The following HDAC9 variants were observed in gnomAD, a reference collection of about 807,000 sequenced individuals.
HDAC9 encodes MEF-2 interacting transcription repressor (MITR) protein.
Under a neutral mutation model 139.4 loss-of-function variants are expected in HDAC9, and 41 were observed. The ratio of observed to expected loss-of-function variants is 0.29; its 90% confidence interval spans 0.23 to 0.38. The LOEUF (loss-of-function observed/expected upper bound fraction) is 0.38, where lower values mean the gene tolerates loss of function less well. HDAC9 is among the 10% of genes least tolerant of loss of function. HDAC9 has a pLI of 1.00. For synonymous variants in HDAC9, 517 were observed against 476.2 expected (o/e 1.09, Z -1.12); for missense variants, 1,147 against 1,297.0 (o/e 0.88, Z 1.78).
At chr7:18,554,230 G>A (rs980742985) in intron 2 of HDAC9, among the ~76,000 whole-genome samples, 4 of 149,044 alleles carry the variant, frequency 2.7e-5, no homozygotes, top group Non-Finnish European at 5.9e-5. Flanking sequence ...TCGAAACTAT[G>A]TTAAAGGAAT....
At chr7:18,929,837 G>A (rs1348847305) in intron 22 of HDAC9, among the ~76,000 whole-genome samples, 1 of 152,006 alleles carries the variant, frequency 6.6e-6, no homozygotes, top group Non-Finnish European at 1.5e-5. Context: ...TACTCGGGAG[G>A]CTGAGGCAGG....
At chr7:18,962,247 G>A (rs1325482008) in intron 24 of HDAC9, among the ~76,000 whole-genome samples, 1 of 152,164 alleles carries the variant, frequency 6.6e-6, no homozygotes, top group Admixed American at 6.6e-5. Context: ...AGGCCTTGAC[G>A]TTAGAGTCCT....
chr7:18,535,450 C>T (rs556445759), intron 2 of HDAC9, among the ~76,000 whole-genome samples: 37 of 151,760 alleles, frequency 2.4e-4, no homozygotes, highest in African/African-American at 8.4e-4. Context: ...TTGCCATGGA[C>T]CTGATATATT....
At chr7:18,096,500 AT>A (rs1240366814) in intron 1 of HDAC9, among the ~76,000 whole-genome samples, 2 of 152,212 alleles carry the variant, frequency 1.3e-5, no homozygotes, top group Admixed American at 6.5e-5. Context: ...AAATCCCAAA[AT>A]GGAAAAAAAA....
chr7:18,735,081 GTTGT>G (rs1310024037), intron 13 of HDAC9, among the ~76,000 whole-genome samples: 1 of 152,142 alleles, frequency 6.6e-6, no homozygotes, highest in Non-Finnish European at 1.5e-5. Flanking sequence ...TTTTGATGTG[GTTGT>G]TTGATTTTTT....
At chr7:18,176,842 T>C (rs1044299798) in intron 2 of HDAC9, among the ~76,000 whole-genome samples, 2 of 152,198 alleles carry the variant, frequency 1.3e-5, no homozygotes, top group African/African-American at 4.8e-5. Flanking sequence ...TGGATGTATC[T>C]TACTTTGGCT....
chr7:18,274,614 A>G (rs1796598069), intron 2 of HDAC9, among the ~76,000 whole-genome samples: 2 of 152,214 alleles, frequency 1.3e-5, no homozygotes, highest in Non-Finnish European at 2.9e-5. Flanking sequence ...CATCCCAACT[A>G]TAGCAGCCAT....
chr7:18,732,687 ACACACACACACG>A lies in HDAC9; in HGVS notation c.1909+4931_1909+4942del, dbSNP rs1437208145. Among the ~76,000 whole-genome samples, 568 of 112,958 alleles carry A rather than the reference ACACACACACACG, an allele frequency of 5.0e-3. 88 individuals carry two copies. Among genetic ancestry groups the A allele is most frequent in the South Asian group, 1.0e-2 (34 of 3,416 alleles). The allele number at this position is 112,958 out of a possible 152,430, so 74.1% of individuals were successfully genotyped here. A position where few individuals can be genotyped will look rare whatever the true frequency, so the allele number is the denominator to read the frequency against. On this transcript the variant is annotated intron_variant, in intron 13 of 25. Transcript: ENST00000686413. ...CACGTGTATATGTGTGCGTATGTGT[ACACACACACACG>A]TGTATGTGTGCGTATGTGTACACAC...
At chr7:18,769,869 T>C (rs1395611172) in intron 16 of HDAC9, among the ~76,000 whole-genome samples, 1 of 152,152 alleles carries the variant, frequency 6.6e-6, no homozygotes, top group Non-Finnish European at 1.5e-5. Context: ...AAATGACTTT[T>C]GTCTTAAGGC....
intron 22 of HDAC9, among the ~76,000 whole-genome samples, chr7:18,889,074 C>A (rs1800435592): frequency 6.6e-6 from 1 of 152,188 alleles, no homozygotes; most frequent in East Asian, 1.9e-4. Context: ...ACACCTCTTA[C>A]CACACGTGAT....
intron 17 of HDAC9, among the ~76,000 whole-genome samples, chr7:18,814,172 C>A (rs1794397072): frequency 6.6e-6 from 1 of 152,140 alleles, no homozygotes; most frequent in Admixed American, 6.5e-5. Context: ...TTTCTCAGTA[C>A]CTGACACCTA....
chr7:18,269,248 T>G (rs1386916997), intron 2 of HDAC9, among the ~76,000 whole-genome samples: 2 of 152,104 alleles, frequency 1.3e-5, no homozygotes, highest in African/African-American at 4.8e-5. Flanking sequence ...AACTCTAAAC[T>G]TTGAAAAATT....
At chr7:18,911,213 C>T (rs1366059398) in intron 22 of HDAC9, among the ~76,000 whole-genome samples, 3 of 148,770 alleles carry the variant, frequency 2.0e-5, no homozygotes, top group Non-Finnish European at 4.5e-5. Flanking sequence ...TCTATTTCCT[C>T]TAGGTTTTCT....
intron 2 of HDAC9, among the ~76,000 whole-genome samples, chr7:18,542,288 T>C (rs201634993): frequency 1.3e-5 from 2 of 152,336 alleles, no homozygotes; most frequent in East Asian, 3.9e-4. Context: ...CCTGCTTTGA[T>C]AGCTGTGGAA....
intron 15 of HDAC9, among the ~76,000 whole-genome samples, chr7:18,765,892 T>G (rs1789792444): frequency 6.6e-6 from 1 of 152,222 alleles, no homozygotes; most frequent in African/African-American, 2.4e-5. Context: ...CTCATCTTTT[T>G]GTTAAAATGA....
At chr7:18,535,633 G>GA (rs1695706355) in intron 2 of HDAC9, among the ~76,000 whole-genome samples, 2 of 122,112 alleles carry the variant, frequency 1.6e-5, no homozygotes. Context: ...ACAAATGCTA[G>GA]AAAAAGAAAG....
chr7:18,661,531 T>C (rs1447436990), intron 11 of HDAC9, among the ~76,000 whole-genome samples: 1 of 151,232 alleles, frequency 6.6e-6, no homozygotes, highest in Non-Finnish European at 1.5e-5. Context: ...GTTTCTACTC[T>C]TTTTTTTTAA....
intron 23 of HDAC9, among the ~76,000 whole-genome samples, chr7:18,942,979 T>A (rs1782123495): frequency 6.6e-6 from 1 of 151,876 alleles, no homozygotes; most frequent in Admixed American, 6.6e-5. Flanking sequence ...AAATATAAAA[T>A]TAGCAGATTA....
Position 18,990,941 on chromosome 7 carries a change from G to T in HDAC9, c.3171-5082G>T, listed in dbSNP as rs541525883. Among the ~76,000 whole-genome samples, 21 of 152,346 alleles carry T rather than the reference G, an allele frequency of 1.4e-4. 1 individual carries two copies. In the South Asian group the frequency reaches 4.4e-3, roughly 32 times the overall value. On this transcript the variant is annotated intron_variant, in intron 25 of 25. Transcript: ENST00000686413. ...GCGCACCCACTGACCTGCGCCCACT[G>T]TCTGGCACTCCCTAGTGAGATGAAC...
Sources: allele counts gnomAD v4.1 joint callset (sites outside exome capture counted in the v4.1 genomes callset), GRCh38; gene constraint gnomAD v4.1.1; transcripts MANE v1.5; gene names NCBI Gene and HGNC (gene_info 2026-07-23, HGNC 2026-07-21).